Variants in CFAP20 observed in about 807,000 individuals in gnomAD.
The protein encoded by CFAP20 is cilia and flagella associated protein 20, also known as cilia- and flagella-associated protein 20.
A neutral mutation model predicts 25.5 loss-of-function variants in CFAP20; 14 were observed. That is an observed-to-expected ratio of 0.55 (90% CI 0.36 to 0.86). The LOEUF is 0.86. Ranked by LOEUF, CFAP20 falls within the 40% of genes least tolerant of loss-of-function variation. The probability of loss-of-function intolerance (pLI) is 0.01; values close to 1 mark genes in which losing one functional copy is unlikely to be tolerated. For synonymous variants in CFAP20, 75 were observed against 91.1 expected (o/e 0.82, Z 1.01); for missense variants, 181 against 248.0 (o/e 0.73, Z 1.81).
chr16:58,113,872 C>T lies in CFAP20; in HGVS notation c.*153G>A. The T allele has an allele frequency of 1.2e-6, 1 of 856,602 alleles. No homozygotes were observed. The highest frequency in any genetic ancestry group is 1.9e-6 in the Non-Finnish European group (1 of 525,992). 53.1% of individuals were successfully genotyped at this position (856,602 alleles called of 1,614,324 possible). On this transcript the variant is annotated 3_prime_UTR_variant, in exon 6 of 6. Coordinates refer to ENST00000262498, the MANE Select transcript of CFAP20 (RefSeq NM_013242.3). The stretch of plus-strand genomic sequence containing the variant: ...TGCAGTCACAGAGTTACGGCATGTT[C>T]ACCGGTGTCCATGACAAGCAACACC...
rs1040617110 is a variant in CFAP20, at chr16:58,113,899, A to C, written c.*126T>G. ...CCGGTGTCCATGACAAGCAACACCA[A>C]GTATAAATAACAGAACTACAGCAGA... On this transcript the variant is annotated 3_prime_UTR_variant, in exon 6 of 6. Coordinates refer to ENST00000262498, the MANE Select transcript of CFAP20 (RefSeq NM_013242.3). 3.5e-6 allele frequency: 4 copies of C among 1,138,068 alleles called. No individual in the cohort carries two copies. The African/African-American group carries it at 4.6e-5, about 13-fold the overall frequency. The allele number at this position is 1,138,068 out of a possible 1,614,324, so 70.5% of individuals were successfully genotyped here.
rs760057617 is a variant in CFAP20, at chr16:58,114,852, C to T, written c.534G>A (p.Pro178=). The T allele has an allele frequency of 3.7e-6, 6 of 1,613,952 alleles. No individual in the cohort carries two copies. The highest frequency in any genetic ancestry group is 2.7e-5 in the African/African-American group (2 of 74,892). ...SDRLYSEDEL[P]AEFKLYLPVQ... ...CTGGGAGATACAGTTTGAACTCTGCCGGCAGCTCATCTTCTGAGTAGAGTC... is the reference window on the plus strand; with the variant it reads ...CTGGGAGATACAGTTTGAACTCTGCTGGCAGCTCATCTTCTGAGTAGAGTC... The change falls in exon 5 of 6, where the codon CCG becomes CCA. Residue 178 remains proline, a synonymous_variant. Coordinates refer to ENST00000262498, the MANE Select transcript of CFAP20 (RefSeq NM_013242.3).
chr16:58,116,791 C>T (rs528724157), intron 2 of CFAP20, 81 bp downstream of exon 2: 846 of 1,306,048 alleles, frequency 6.5e-4, no homozygotes, highest in Non-Finnish European at 8.3e-4. Context: ...ACTCTGACTC[C>T]GCAGTCTGTG....
At chr16:58,119,568 T>A (rs1314838775) in intron 1 of CFAP20, among the ~76,000 whole-genome samples, 1 of 152,214 alleles carries the variant, frequency 6.6e-6, no homozygotes, top group Non-Finnish European at 1.5e-5. Context: ...AATACTGGGC[T>A]AGACGGGACC....
At chr16:58,117,186 C>G in intron 1 of CFAP20, 1 of 532,220 alleles carries the variant, frequency 1.9e-6, no homozygotes, top group Non-Finnish European at 3.3e-6. Flanking sequence ...CCAAATACAT[C>G]AACTCAATTT....
At chr16:58,124,459 CAG>C (rs1414804643) in intron 1 of CFAP20, among the ~76,000 whole-genome samples, 1 of 152,192 alleles carries the variant, frequency 6.6e-6, no homozygotes, top group African/African-American at 2.4e-5. Context: ...GTGTGAATAT[CAG>C]AGTGTACTTA....
Position 58,129,029 on chromosome 16 carries a change from G to A in CFAP20, c.84+3C>T. The A allele has an allele frequency of 1.3e-6, 2 of 1,512,466 alleles. No individual in the cohort carries two copies. Among genetic ancestry groups the A allele is most frequent in the Non-Finnish European group, 1.8e-6 (2 of 1,117,312 alleles). The allele number at this position is 1,512,466 out of a possible 1,614,324, so 93.7% of individuals were successfully genotyped here. On this transcript the variant is annotated splice_donor_region_variant and intron_variant, in intron 1 of 5. Transcript: ENST00000262498. ...CCCGCCCCGTCGCCGCCCCTAGCCC[G>A]ACCTTTTTGTCCCAGATTTGCAGAG...
intron 4 of CFAP20, 106 bp downstream of exon 4, chr16:58,115,163 C>T (rs978350670): frequency 9.5e-6 from 14 of 1,475,252 alleles, no homozygotes; most frequent in Non-Finnish European, 1.3e-5. Flanking sequence ...AGTGTGGCAA[C>T]TGAAGCCAGA....
At chr16:58,127,139 G>A (rs1202896818) in intron 1 of CFAP20, among the ~76,000 whole-genome samples, 5 of 152,158 alleles carry the variant, frequency 3.3e-5, no homozygotes, top group African/African-American at 1.2e-4. Context: ...CTCTAGTGGC[G>A]TTGTTAAGGG....
chr16:58,120,984 CTTTA>C (rs1960526960), intron 1 of CFAP20, among the ~76,000 whole-genome samples: 4 of 152,290 alleles, frequency 2.6e-5, no homozygotes, highest in Admixed American at 2.6e-4. Context: ...GATTTTTCTC[CTTTA>C]TTAAGTTTAA....
At chr16:58,117,413 A>G (rs1455606372) in intron 1 of CFAP20, among the ~76,000 whole-genome samples, 7 of 151,956 alleles carry the variant, frequency 4.6e-5, no homozygotes, top group Admixed American at 3.9e-4. Context: ...TGCCTCGTAG[A>G]TTTCTTTCTT....
rs1960676263 is a variant in CFAP20, at chr16:58,129,243, G to C, written c.-128C>G. 2.0e-6 allele frequency: 2 copies of C among 976,196 alleles called. No individual in the cohort carries two copies. Among genetic ancestry groups the C allele is most frequent in the Admixed American group, 4.7e-5 (2 of 42,412 alleles). The allele number at this position is 976,196 out of a possible 1,614,324, so 60.5% of individuals were successfully genotyped here. On this transcript the variant is annotated 5_prime_UTR_variant, in exon 1 of 6. Coordinates refer to ENST00000262498, the MANE Select transcript of CFAP20 (RefSeq NM_013242.3). ...CCGAAGAAGGGTGGTTGAGCTCCTGGCCTCCGGATCTGCAGCCACTGATGG... is the reference window on the plus strand; with the variant it reads ...CCGAAGAAGGGTGGTTGAGCTCCTGCCCTCCGGATCTGCAGCCACTGATGG...
intron 1 of CFAP20, among the ~76,000 whole-genome samples, chr16:58,123,590 T>C (rs1460009778): frequency 1.4e-5 from 1 of 70,480 alleles, no homozygotes; most frequent in Non-Finnish European, 2.6e-5. Flanking sequence ...AGCAAGACTC[T>C]GTCTCAAAAA....
At chr16:58,120,916 C>T (rs1194772593) in intron 1 of CFAP20, among the ~76,000 whole-genome samples, 1 of 152,148 alleles carries the variant, frequency 6.6e-6, no homozygotes, top group Non-Finnish European at 1.5e-5. Flanking sequence ...CAAGTATCCC[C>T]ATGTGAAAAG....
chr16:58,128,103 T>C (rs1485310063), intron 1 of CFAP20, among the ~76,000 whole-genome samples: 1 of 152,250 alleles, frequency 6.6e-6, no homozygotes, highest in Non-Finnish European at 1.5e-5. Flanking sequence ...CCGTAACTTA[T>C]ATTCAAGAAA....
rs755771991 is a variant in CFAP20, at chr16:58,116,145, A to G, written c.172T>C (p.Tyr58His). 2.5e-6 allele frequency: 4 copies of G among 1,607,240 alleles called. No individual in the cohort carries two copies. The Admixed American group carries it at 6.7e-5, about 27-fold the overall frequency. Residue 58 changes from tyrosine to histidine, a missense_variant, in exon 3 of 6, where the codon TAT becomes CAT. Transcript: ENST00000262498. ...TTGGGGTCTGCAGGGCATGTGATATATGTGGTGCTGTAGAGAGAGGAAATA... is the reference window on the plus strand; with the variant it reads ...TTGGGGTCTGCAGGGCATGTGATATGTGTGGTGCTGTAGAGAGAGGAAATA... ...EIEGTNVSTT[Y>H]ITCPADPKKT...
At chr16:58,121,796 G>A (rs1409972005) in intron 1 of CFAP20, among the ~76,000 whole-genome samples, 1 of 152,044 alleles carries the variant, frequency 6.6e-6, no homozygotes, top group East Asian at 1.9e-4. Context: ...GGTGGGTCAA[G>A]CTGAGGGAAA....
At chr16:58,128,086 G>T (rs1286562618) in intron 1 of CFAP20, among the ~76,000 whole-genome samples, 2 of 152,224 alleles carry the variant, frequency 1.3e-5, no homozygotes, top group Non-Finnish European at 2.9e-5. Context: ...TCACATTGGA[G>T]TGCCTCCCGT....
In CFAP20 at chr16:58,113,868, T is replaced by C. The variant is rs1960416334; in HGVS notation, c.*157A>G. 1.2e-6 allele frequency: 1 copy of C among 823,200 alleles called. No individual in the cohort carries two copies. The highest frequency in any genetic ancestry group is 2.6e-5 in the East Asian group (1 of 38,102). 51.0% of individuals were successfully genotyped at this position (823,200 alleles called of 1,614,324 possible). On this transcript the variant is annotated 3_prime_UTR_variant, in exon 6 of 6. Transcript: ENST00000262498. ...ACAATGCAGTCACAGAGTTACGGCA[T>C]GTTCACCGGTGTCCATGACAAGCAA... is the stretch of plus-strand genomic sequence containing the variant.
Sources: allele counts gnomAD v4.1 joint callset (sites outside exome capture counted in the v4.1 genomes callset), GRCh38; gene constraint gnomAD v4.1.1; transcripts MANE v1.5; gene names NCBI Gene and HGNC (gene_info 2026-07-23, HGNC 2026-07-21).